CSNK1G3: variants seen among roughly 807,000 people sequenced by gnomAD.
CSNK1G3 encodes casein kinase 1 gamma 3.
Under a neutral mutation model 64.3 loss-of-function variants are expected in CSNK1G3, and 23 were observed. That is an observed-to-expected ratio of 0.36 (90% CI 0.26 to 0.51). CSNK1G3 has a LOEUF of 0.51. CSNK1G3 is among the 20% of genes least tolerant of loss of function. The pLI, the probability that CSNK1G3 is intolerant of heterozygous loss-of-function variation, is 0.96. For synonymous variants in CSNK1G3, 158 were observed against 162.2 expected (o/e 0.97, Z 0.20); for missense variants, 357 against 510.5 (o/e 0.70, Z 2.90).
intron 1 of CSNK1G3, among the ~76,000 whole-genome samples, chr5:123,538,583 G>A (rs1236449830): frequency 6.6e-6 from 1 of 152,174 alleles, no homozygotes; most frequent in African/African-American, 2.4e-5. Flanking sequence ...GCCTGTCGGG[G>A]AGTGGGGAGC....
chr5:123,585,636 A>G (rs1791192144), intron 6 of CSNK1G3, among the ~76,000 whole-genome samples: 1 of 152,208 alleles, frequency 6.6e-6, no homozygotes, highest in Non-Finnish European at 1.5e-5. Flanking sequence ...AGACAATCCA[A>G]TTTTTTAAAC....
chr5:123,580,181 C>G (rs1345391523), intron 6 of CSNK1G3, among the ~76,000 whole-genome samples: 1 of 151,902 alleles, frequency 6.6e-6, no homozygotes, highest in Non-Finnish European at 1.5e-5. Context: ...TTGGTGATTA[C>G]TTTTAAAGCC....
intron 1 of CSNK1G3, among the ~76,000 whole-genome samples, chr5:123,535,931 T>G (rs922712327): frequency 3.3e-5 from 5 of 152,270 alleles, no homozygotes; most frequent in Admixed American, 2.0e-4. Context: ...AGTTGTTGTT[T>G]CTTCATTCTT....
At chr5:123,602,137 A>C (rs776634163) in intron 10 of CSNK1G3, among the ~76,000 whole-genome samples, 1 of 152,190 alleles carries the variant, frequency 6.6e-6, no homozygotes, top group Non-Finnish European at 1.5e-5. Flanking sequence ...AGGCATGCTT[A>C]GATGTAAGAA....
intron 10 of CSNK1G3, among the ~76,000 whole-genome samples, chr5:123,595,950 T>G (rs1265258729): frequency 2.0e-5 from 3 of 152,214 alleles, no homozygotes; most frequent in African/African-American, 7.2e-5. Context: ...CCCAGTACAT[T>G]TCAATTTAGA....
chr5:123,611,111 A>G (rs2151244365), intron 12 of CSNK1G3, among the ~76,000 whole-genome samples: 1 of 152,354 alleles, frequency 6.6e-6, no homozygotes, highest in Non-Finnish European at 1.5e-5. Context: ...AGCAATTGAG[A>G]TGAGACCTGA....
At chr5:123,604,492 A>G (rs371898028) in intron 10 of CSNK1G3, among the ~76,000 whole-genome samples, 95 of 152,206 alleles carry the variant, frequency 6.2e-4, no homozygotes, top group African/African-American at 2.2e-3. Flanking sequence ...TAAGGAAAGG[A>G]AGTAAGTTGA....
chr5:123,554,062 T>G (rs768591331), intron 3 of CSNK1G3, among the ~76,000 whole-genome samples: 2 of 152,192 alleles, frequency 1.3e-5, no homozygotes, highest in Non-Finnish European at 2.9e-5. Flanking sequence ...AAAGAGAGAC[T>G]ATTAGGAGAA....
chr5:123,574,025 A>G (rs929776695), intron 5 of CSNK1G3, among the ~76,000 whole-genome samples: 2 of 151,832 alleles, frequency 1.3e-5, no homozygotes, highest in African/African-American at 4.8e-5. Flanking sequence ...AATTTTTTGT[A>G]TTTTTTGTAG....
chr5:123,588,285 C>T (rs947869315), intron 7 of CSNK1G3, 132 bp downstream of exon 7: 63 of 1,021,248 alleles, frequency 6.2e-5, no homozygotes, highest in Non-Finnish European at 7.6e-6. Context: ...CTGTGTTGCC[C>T]AGGCTGGTCT....
Position 123,576,929 on chromosome 5 carries a change from T to A in CSNK1G3, c.673+966T>A, listed in dbSNP as rs116962067. The stretch of plus-strand genomic sequence containing the variant: ...TATTTACATTTCCTTATTTGTCAGT[T>A]GATATTCTAATGTCAGCAGAAGCTT... On this transcript the variant is annotated intron_variant, in intron 6 of 12. Coordinates refer to ENST00000345990, the Ensembl canonical transcript of CSNK1G3. 8.1e-4 allele frequency among the ~76,000 whole-genome samples: 123 copies of A among 152,240 alleles called. 1 individual carries two copies. The East Asian group carries it at 0.021, about 26-fold the overall frequency.
intron 6 of CSNK1G3, among the ~76,000 whole-genome samples, chr5:123,584,357 A>T (rs1196803915): frequency 6.6e-6 from 1 of 152,158 alleles, no homozygotes; most frequent in Non-Finnish European, 1.5e-5. Context: ...AGATTTTTTT[A>T]AAAATCATTA....
chr5:123,525,602 T>A (rs1464411775), intron 1 of CSNK1G3, among the ~76,000 whole-genome samples: 1 of 152,098 alleles, frequency 6.6e-6, no homozygotes, highest in Non-Finnish European at 1.5e-5. Flanking sequence ...GCAGTTTGCA[T>A]TGTTACAGTT....
At chr5:123,604,694 A>AC (rs1484205844) in intron 10 of CSNK1G3, 30 bp from the exon 12 acceptor site, 1 of 1,257,980 alleles carries the variant, frequency 7.9e-7, no homozygotes, top group Non-Finnish European at 1.1e-6. Flanking sequence ...GTGTACATAT[A>AC]CATATATAAA....
At chr5:123,576,244 A>G (rs1789140844) in intron 6 of CSNK1G3, among the ~76,000 whole-genome samples, 1 of 152,148 alleles carries the variant, frequency 6.6e-6, no homozygotes, top group Admixed American at 6.6e-5. Context: ...ATGGGGATGC[A>G]TTTAATCATT....
chr5:123,513,358 T>G (rs976934356), intron 1 of CSNK1G3, among the ~76,000 whole-genome samples: 1 of 151,962 alleles, frequency 6.6e-6, no homozygotes, highest in African/African-American at 2.4e-5. Context: ...GAGGCCTGTG[T>G]CATGGTCATT....
intron 8 of CSNK1G3, among the ~76,000 whole-genome samples, chr5:123,589,170 G>T (rs1895233): frequency 0.6 from 91,706 of 151,886 alleles, 28,948 homozygotes; most frequent in African/African-American, 0.79. Context: ...GATAAAATAC[G>T]GAATTCCTAT....
At position 123,575,973 on chromosome 5, in the gene CSNK1G3, C is replaced by A. The variant is rs758081421; in HGVS notation, c.673+10C>A. The A allele has an allele frequency of 4.5e-6, 7 of 1,561,056 alleles. No individual in the cohort carries two copies. The highest frequency in any genetic ancestry group is 1.7e-4 in the Middle Eastern group (1 of 5,938). On this transcript the variant is annotated intron_variant, in intron 6 of 12. Coordinates refer to ENST00000345990, the Ensembl canonical transcript of CSNK1G3. ...ACACATTTAGGAAAAGGTATGTGTA[C>A]CTTTCGTAAGTATGGAAGTTTGAAC... is the stretch of plus-strand genomic sequence containing the variant.
At chr5:123,549,073 T>C (rs541957669) in intron 2 of CSNK1G3, among the ~76,000 whole-genome samples, 6 of 152,336 alleles carry the variant, frequency 3.9e-5, no homozygotes, top group Non-Finnish European at 8.8e-5. Flanking sequence ...ATGCATGTTG[T>C]TTTTGCATCA....
Sources: allele counts gnomAD v4.1 joint callset (sites outside exome capture counted in the v4.1 genomes callset), GRCh38; gene constraint gnomAD v4.1.1; transcripts MANE v1.5; gene names NCBI Gene and HGNC (gene_info 2026-07-23, HGNC 2026-07-21).